HIPK2: variants seen among roughly 807,000 people sequenced by gnomAD.
The protein encoded by HIPK2 is homeodomain-interacting protein kinase 2.
Under a neutral mutation model 113.7 loss-of-function variants are expected in HIPK2, and 27 were observed. The observed-to-expected ratio is 0.24, with a 90% confidence interval of 0.17 to 0.33. HIPK2 has a LOEUF of 0.33. Ranked by LOEUF, HIPK2 falls within the 10% of genes least tolerant of loss-of-function variation. The pLI is 1.00. For missense variants in HIPK2, 1,257 were observed against 1,588.0 expected, an observed-to-expected ratio of 0.79 and a Z score of 3.54; for synonymous variants, 631 against 642.2, an observed-to-expected ratio of 0.98 and a Z score of 0.26.
Position 139,714,172 on chromosome 7 carries a change from A to G in HIPK2, c.1103+1760T>C, listed in dbSNP as rs567734689. Among the ~76,000 whole-genome samples the G allele has an allele frequency of 3.9e-5, 6 of 152,308 alleles. No individual in the cohort carries two copies. The highest frequency in any genetic ancestry group is 1.2e-4 in the African/African-American group (5 of 41,582). On this transcript the variant is annotated intron_variant, in intron 2 of 14. Coordinates refer to ENST00000406875, the MANE Select transcript of HIPK2 (RefSeq NM_022740.5). This position sits in a 1 kb window ranked among gnomAD's most constrained non-coding sequence, Gnocchi z 4.2. ...CAGGCCTGTGGAGACCTTTCTGCGC[A>G]TAGGAAATGAGCGGGAAAGGAATCC...
intron 7 of HIPK2, among the ~76,000 whole-genome samples, chr7:139,618,593 A>G (rs1800135089): frequency 6.6e-6 from 1 of 152,214 alleles, no homozygotes; most frequent in South Asian, 2.1e-4. Flanking sequence ...TTAGTTTTGC[A>G]GAGTCTTTGC....
Position 139,765,874 on chromosome 7 carries a change from A to G in HIPK2, c.19+11731T>C, listed in dbSNP as rs189578266. Among the ~76,000 whole-genome samples the G allele has an allele frequency of 1.4e-3, 214 of 152,324 alleles. 1 individual carries two copies. Among genetic ancestry groups the G allele is most frequent in the Non-Finnish European group, 2.4e-3 (165 of 68,032 alleles). On this transcript the variant is annotated intron_variant, in intron 1 of 14. Transcript: ENST00000406875. ...TTGAAGCATTATGGTTTGACACTGG[A>G]TAGAGCTAACCCCTTCACCACTCTT...
rs1217737890 is a variant in HIPK2, at chr7:139,571,237, G to A, written c.*1690C>T. On this transcript the variant is annotated 3_prime_UTR_variant, in exon 15 of 15. Transcript: ENST00000406875. ...ACAGAGGGAGGGATCTGGCAAGATCGTTAGAGCAAAACAGCCCAGGGAGCC... is the reference window on the plus strand; with the variant it reads ...ACAGAGGGAGGGATCTGGCAAGATCATTAGAGCAAAACAGCCCAGGGAGCC... The A allele has an allele frequency of 2.1e-5, 3 of 144,728 alleles. No homozygotes were observed. Among genetic ancestry groups the A allele is most frequent in the Non-Finnish European group, 4.4e-5 (3 of 68,084 alleles). 9.0% of individuals were successfully genotyped at this position (144,728 alleles called of 1,614,324 possible). A position where few individuals can be genotyped will look rare whatever the true frequency, so the allele number is the denominator to read the frequency against.
chr7:139,676,275 G>C (rs1802492847), intron 2 of HIPK2, among the ~76,000 whole-genome samples: 1 of 152,182 alleles, frequency 6.6e-6, no homozygotes, highest in Non-Finnish European at 1.5e-5. Context: ...GTGGACCCTA[G>C]TTTGCTAACC....
intron 2 of HIPK2, among the ~76,000 whole-genome samples, chr7:139,676,996 G>A (rs1489360011): frequency 6.6e-6 from 1 of 151,634 alleles, no homozygotes; most frequent in Non-Finnish European, 1.5e-5. Context: ...CGAGTAGCTG[G>A]GATTACAGGC....
At position 139,581,653 on chromosome 7, in the gene HIPK2, T is replaced by C. The variant is rs563709936; in HGVS notation, c.2965+2164A>G. Among the ~76,000 whole-genome samples the C allele has an allele frequency of 4.1e-4, 63 of 152,352 alleles. 1 individual carries two copies. The South Asian group carries it at 6.6e-3, about 16-fold the overall frequency. On this transcript the variant is annotated intron_variant, in intron 13 of 14. Coordinates refer to ENST00000406875, the MANE Select transcript of HIPK2 (RefSeq NM_022740.5). ...TGCTGTAGCTGGGGGAGCTGTTAACTGGCTGTACCTTGGCCTGTATGCATC... is the reference window on the plus strand; with the variant it reads ...TGCTGTAGCTGGGGGAGCTGTTAACCGGCTGTACCTTGGCCTGTATGCATC...
At chr7:139,587,782 G>A (rs1313417893) in intron 12 of HIPK2, among the ~76,000 whole-genome samples, 1 of 151,934 alleles carries the variant, frequency 6.6e-6, no homozygotes, top group Non-Finnish European at 1.5e-5. Context: ...GGAGACTGAG[G>A]CAGGAAGATG....
Position 139,573,072 on chromosome 7 carries a change from C to T in HIPK2, c.3452G>A (p.Arg1151Gln), listed in dbSNP as rs758100204. Residue 1151 changes from arginine to glutamine, a missense_variant, in exon 15 of 15, where the codon CGG becomes CAG. By Grantham distance (43) the Arg-to-Gln change is conservative (BLOSUM62 1). Transcript: ENST00000406875. The stretch of plus-strand genomic sequence containing the variant: ...GTGGATGGTGGGCGAGGGCAGGACC[C>T]GGGGGCCCATGCTCACGGGGACCTG... ...VHQVPVSMGP[R>Q]VLPSPTIHPS... 6 of 1,611,748 alleles carry T rather than the reference C, an allele frequency of 3.7e-6. No homozygotes were observed. In the African/African-American group the frequency reaches 4.0e-5, roughly 11 times the overall value.
In HIPK2 at chr7:139,777,736, G is replaced by C. The variant is rs1425067552; in HGVS notation, c.-113C>G. ...ATCTTGAGCCTGTGTCTCCGCTCTC[G>C]GCGCAGCCGAGGCCGCCCGCGCCCG... is the stretch of plus-strand genomic sequence containing the variant. On this transcript the variant is annotated 5_prime_UTR_variant, in exon 1 of 15. Transcript: ENST00000406875. 4.0e-6 allele frequency: 4 copies of C among 1,001,604 alleles called. No individual in the cohort carries two copies. The African/African-American group carries it at 5.3e-5, about 13-fold the overall frequency. The allele number at this position is 1,001,604 out of a possible 1,614,324, so 62.0% of individuals were successfully genotyped here. A position where few individuals can be genotyped will look rare whatever the true frequency, so the allele number is the denominator to read the frequency against.
chr7:139,763,255 A>T (rs1291195600), intron 1 of HIPK2, among the ~76,000 whole-genome samples: 1 of 152,214 alleles, frequency 6.6e-6, no homozygotes, highest in Admixed American at 6.5e-5. Context: ...GCAGTTGGAC[A>T]TCTGAAGTAC....
chr7:139,582,039 C>T lies in HIPK2; in HGVS notation c.2965+1778G>A, dbSNP rs114121656. Among the ~76,000 whole-genome samples, 203 of 152,300 alleles carry T rather than the reference C, an allele frequency of 1.3e-3. 2 individuals carry two copies. Among genetic ancestry groups the T allele is most frequent in the African/African-American group, 4.4e-3 (182 of 41,552 alleles). On this transcript the variant is annotated intron_variant, in intron 13 of 14. Transcript: ENST00000406875. ...GCTCTCTTTAAGGAATCCTGGCTCC[C>T]GGGAATGACTTCGGGTGCCTCCCAG...
At chr7:139,649,260 G>C (rs1222691256) in intron 2 of HIPK2, among the ~76,000 whole-genome samples, 1 of 152,128 alleles carries the variant, frequency 6.6e-6, no homozygotes, top group East Asian at 1.9e-4. Context: ...GGGTGGCTGC[G>C]GGGGGCGGGC....
intron 2 of HIPK2, among the ~76,000 whole-genome samples, chr7:139,698,299 C>G (rs1794618415): frequency 6.6e-6 from 1 of 152,124 alleles, no homozygotes; most frequent in South Asian, 2.1e-4. Flanking sequence ...TTTTCCTTTT[C>G]GTGGCGAAAT....
At chr7:139,762,157 C>A (rs367933030) in intron 1 of HIPK2, among the ~76,000 whole-genome samples, 4 of 152,188 alleles carry the variant, frequency 2.6e-5, no homozygotes, top group African/African-American at 9.7e-5. Context: ...CCATCAGTGG[C>A]ATGGAGGATT....
intron 2 of HIPK2, among the ~76,000 whole-genome samples, chr7:139,712,516 C>G (rs938110277): frequency 3.3e-5 from 5 of 152,228 alleles, no homozygotes; most frequent in Non-Finnish European, 5.9e-5. Context: ...AGTCCCCACC[C>G]ACCACCTGCA....
At chr7:139,621,965 ACT>A (rs1800251053) in intron 6 of HIPK2, among the ~76,000 whole-genome samples, 2 of 151,822 alleles carry the variant, frequency 1.3e-5, no homozygotes, top group South Asian at 2.1e-4. Context: ...AAGAAAAAAA[ACT>A]CATTTAATTT....
intron 11 of HIPK2, among the ~76,000 whole-genome samples, chr7:139,599,280 T>C (rs1182074869): frequency 3.9e-5 from 6 of 152,202 alleles, no homozygotes; most frequent in South Asian, 2.1e-4. Context: ...AACTGACATA[T>C]AGCAACATTT....
At chr7:139,684,914 C>T (rs915893841) in intron 2 of HIPK2, among the ~76,000 whole-genome samples, 1 of 152,120 alleles carries the variant, frequency 6.6e-6, no homozygotes, top group African/African-American at 2.4e-5. Context: ...TCCAACCAGC[C>T]ACAACACTCC....
At chr7:139,670,595 AC>A (rs201986908) in intron 2 of HIPK2, among the ~76,000 whole-genome samples, 1 of 151,500 alleles carries the variant, frequency 6.6e-6, no homozygotes, top group Admixed American at 6.6e-5. Context: ...AAAAAAAAGA[AC>A]AAAAAAAGTG....
Sources: gnomAD v4.1 joint callset for allele counts (sites outside exome capture counted in the v4.1 genomes callset) on GRCh38, gnomAD v4.1.1 for gene constraint, Gnocchi (gnomAD v3.1) non-coding constraint, MANE v1.5 for transcripts, NCBI Gene and HGNC (gene_info 2026-07-23, HGNC 2026-07-21) for gene names.